Variants in DOCK2 observed in about 807,000 individuals in gnomAD.
DOCK2 encodes dedicator of cytokinesis 2, also known as dedicator of cytokinesis protein 2.
Under a neutral mutation model 248.9 loss-of-function variants are expected in DOCK2, and 87 were observed. The observed-to-expected ratio is 0.35, with a 90% CI of 0.29 to 0.42. The LOEUF (loss-of-function observed/expected upper bound fraction) is 0.42. DOCK2 is among the 10% of genes least tolerant of loss of function. The probability of loss-of-function intolerance (pLI) is 1.00; values close to 1 mark genes in which losing one functional copy is unlikely to be tolerated. For missense variants in DOCK2, 1,747 were observed against 2,300.2 expected (o/e 0.76, Z 4.92); for synonymous variants, 805 against 821.6 (o/e 0.98, Z 0.35).
chr5:169,964,274 T>C (rs1296572654), intron 27 of DOCK2, among the ~76,000 whole-genome samples: 1 of 152,162 alleles, frequency 6.6e-6, no homozygotes, highest in African/African-American at 2.4e-5. Flanking sequence ...GGATTGGGAC[T>C]CCCGGACTCT....
At chr5:169,883,267 C>T (rs1246949634) in intron 27 of DOCK2, 18 of 1,551,488 alleles carry the variant, frequency 1.2e-5, no homozygotes, top group Non-Finnish European at 1.6e-5. Flanking sequence ...CCAGGAAGGA[C>T]TGTGATAAAT....
At chr5:170,076,190 C>G in intron 47 of DOCK2, 106 bp downstream of exon 47, 2 of 1,460,092 alleles carry the variant, frequency 1.4e-6, no homozygotes, top group Non-Finnish European at 1.8e-6. Flanking sequence ...AAGCTGCTTC[C>G]AAAGAGAAGA....
rs539416783 is a variant in DOCK2 at position 169,988,487 on chromosome 5, G to GTAT, written c.2993+2582_2993+2584dup. On this transcript the variant is annotated intron_variant, in intron 29 of 51. Coordinates refer to ENST00000520908, the MANE Select transcript of DOCK2 (RefSeq NM_004946.3). ...ATTGAAAACAATGCTCTTAATCTCT[G>GTAT]TATTATTATTATTATTATTGTTTTA... Among the ~76,000 whole-genome samples, 818 of 151,744 alleles carry GTAT rather than the reference G, an allele frequency of 5.4e-3. 3 individuals are homozygous for GTAT. The highest frequency in any genetic ancestry group is 8.5e-3 in the East Asian group (44 of 5,160).
chr5:169,854,188 ATT>A (rs149299629), intron 27 of DOCK2, among the ~76,000 whole-genome samples: 94 of 136,464 alleles, frequency 6.9e-4, no homozygotes, highest in South Asian at 6.9e-3. Flanking sequence ...TTACTGAAAC[ATT>A]TTTTTTTTTT....
intron 27 of DOCK2, among the ~76,000 whole-genome samples, chr5:169,902,111 T>C (rs1773960503): frequency 6.6e-6 from 1 of 152,140 alleles, no homozygotes; most frequent in Non-Finnish European, 1.5e-5. Flanking sequence ...TCTTGATCTG[T>C]AGGGTTAATG....
chr5:170,030,671 A>G (rs943914949), intron 34 of DOCK2, among the ~76,000 whole-genome samples: 1 of 152,180 alleles, frequency 6.6e-6, no homozygotes, highest in Non-Finnish European at 1.5e-5. Flanking sequence ...AGAAAGTTTG[A>G]ATTTCACATT....
chr5:169,955,298 G>T (rs1776817399), intron 27 of DOCK2, among the ~76,000 whole-genome samples: 1 of 152,216 alleles, frequency 6.6e-6, no homozygotes, highest in Non-Finnish European at 1.5e-5. Context: ...TGTTCAGAAA[G>T]TGAAGTGCCT....
chr5:169,647,395 A>T (rs1014769413), intron 1 of DOCK2, among the ~76,000 whole-genome samples: 1 of 152,000 alleles, frequency 6.6e-6, no homozygotes, highest in Non-Finnish European at 1.5e-5. Context: ...GGTAAAGGGT[A>T]AGAGTTGGAG....
intron 14 of DOCK2, among the ~76,000 whole-genome samples, chr5:169,707,683 C>T (rs1393935366): frequency 6.6e-6 from 1 of 152,188 alleles, no homozygotes; most frequent in Non-Finnish European, 1.5e-5. Flanking sequence ...GGCAGGTGCT[C>T]ATGTGTCTCT....
At chr5:169,784,567 G>A (rs1765884960) in intron 25 of DOCK2, among the ~76,000 whole-genome samples, 1 of 152,152 alleles carries the variant, frequency 6.6e-6, no homozygotes, top group Admixed American at 6.5e-5. Flanking sequence ...TATCCAGAAG[G>A]GAAGTTCATT....
intron 35 of DOCK2, among the ~76,000 whole-genome samples, chr5:170,035,700 A>G (rs1337707934): frequency 2.0e-5 from 3 of 152,160 alleles, no homozygotes; most frequent in African/African-American, 4.8e-5. Flanking sequence ...GGTGTCAAGG[A>G]GGAGGGTGGG....
chr5:169,987,357 T>C (rs947671100), intron 29 of DOCK2, among the ~76,000 whole-genome samples: 1 of 152,214 alleles, frequency 6.6e-6, no homozygotes, highest in Non-Finnish European at 1.5e-5. Flanking sequence ...TTGGATTTCA[T>C]GACCCGCCTT....
chr5:170,041,880 G>A (rs1756530198), intron 37 of DOCK2, 133 bp from the exon 38 acceptor site: 1 of 1,156,772 alleles, frequency 8.6e-7, no homozygotes, highest in Non-Finnish European at 1.2e-6. Context: ...AATAAGCTGA[G>A]TTCAAGAAAG....
At chr5:170,047,664 C>A in intron 40 of DOCK2, 50 bp downstream of exon 40, 1 of 1,524,360 alleles carries the variant, frequency 6.6e-7, no homozygotes, top group Non-Finnish European at 9.1e-7. Context: ...AGGGCCTCGG[C>A]ATCTCAGCGG....
chr5:169,989,336 C>G (rs1289730393), intron 29 of DOCK2, among the ~76,000 whole-genome samples: 1 of 152,126 alleles, frequency 6.6e-6, no homozygotes, highest in Non-Finnish European at 1.5e-5. Context: ...TGTAAATGAA[C>G]AAGATTATGC....
chr5:169,721,002 G>A (rs538235249), intron 22 of DOCK2, among the ~76,000 whole-genome samples: 5 of 152,336 alleles, frequency 3.3e-5, no homozygotes, highest in African/African-American at 7.2e-5. Flanking sequence ...GATTACAGGC[G>A]TGAGCCACTG....
intron 27 of DOCK2, among the ~76,000 whole-genome samples, chr5:169,960,518 G>A (rs1006969863): frequency 6.6e-6 from 1 of 152,194 alleles, no homozygotes; most frequent in South Asian, 2.1e-4. Context: ...GAAAATTATT[G>A]ATTAGAAAGA....
rs377178638 is a variant in DOCK2 at position 170,080,290 on chromosome 5, C to T, written c.5287+7C>T. 6.2e-7 allele frequency: 1 copy of T among 1,613,898 alleles called. No individual in the cohort carries two copies. The highest frequency in any genetic ancestry group is 8.5e-7 in the Non-Finnish European group (1 of 1,179,932). ...TCCATGCCTACCATCCCAGGTATGC[C>T]CCCTGCTGCCACCAGCATGAGGGAG... On this transcript the variant is annotated splice_region_variant and intron_variant, in intron 50 of 51. Coordinates refer to ENST00000520908, the MANE Select transcript of DOCK2 (RefSeq NM_004946.3).
intron 25 of DOCK2, among the ~76,000 whole-genome samples, chr5:169,800,940 CTTTCTTTTTTTTTTT>C (rs1766927804): frequency 3.2e-5 from 2 of 63,454 alleles, no homozygotes; most frequent in Non-Finnish European, 2.6e-5. Flanking sequence ...TCTTTTCTTT[CTTTCTTTTTTTTTTT>C]TTTTTTTTTT....
Sources: allele counts gnomAD v4.1 joint callset (sites outside exome capture counted in the v4.1 genomes callset), GRCh38; gene constraint gnomAD v4.1.1; transcripts MANE v1.5; gene names NCBI Gene and HGNC (gene_info 2026-07-23, HGNC 2026-07-21).